The following CWF19L2 variants were observed in gnomAD, a reference collection of about 807,000 sequenced individuals.
The protein encoded by CWF19L2 is CWF19 like cell cycle control factor 2.
CWF19L2 carries 98 observed loss-of-function variants against 111.7 expected under a neutral mutation model. The observed-to-expected ratio is 0.88, with a 90% CI of 0.75 to 1.04. The LOEUF (loss-of-function observed/expected upper bound fraction) is 1.04, where lower values mean the gene tolerates loss of function less well. Among genes scored for constraint, CWF19L2 ranks in the 50% least tolerant of loss-of-function variants. CWF19L2 has a pLI of 0.00. For missense variants in CWF19L2, 1,101 were observed against 1,051.4 expected (o/e 1.05, Z -0.65); for synonymous variants, 351 against 342.9 (o/e 1.02, Z -0.26).
Position 107,348,920 on chromosome 11 carries a change from A to G in CWF19L2, c.2202+17T>C. The G allele has an allele frequency of 7.0e-7, 1 of 1,423,292 alleles. No individual in the cohort carries two copies. Among genetic ancestry groups the G allele is most frequent in the South Asian group, 1.2e-5 (1 of 81,570 alleles). 88.2% of individuals were successfully genotyped at this position (1,423,292 alleles called of 1,614,324 possible). On this transcript the variant is annotated intron_variant, in intron 14 of 17. Coordinates refer to ENST00000282251, the MANE Select transcript of CWF19L2 (RefSeq NM_152434.3). ...CTCATGAGTTTTAAAATGATAATGA[A>G]CATTTATTATGCTGACCTGGATCTC...
intron 10 of CWF19L2, among the ~76,000 whole-genome samples, chr11:107,402,892 TATATATATATAATGGA>T (rs199839583): frequency 0.018 from 1,769 of 96,820 alleles, 83 homozygotes; most frequent in African/African-American, 0.064. Context: ...TATATATATA[TATATATATATAATGGA>T]ATACTATGCA....
At chr11:107,393,361 C>A (rs1197593584) in intron 10 of CWF19L2, among the ~76,000 whole-genome samples, 2 of 152,130 alleles carry the variant, frequency 1.3e-5, no homozygotes, top group Admixed American at 1.3e-4. Flanking sequence ...AAATGCTTTT[C>A]AGTTTTCTGA....
chr11:107,438,457 T>A (rs1371661832), intron 6 of CWF19L2, among the ~76,000 whole-genome samples: 1 of 152,218 alleles, frequency 6.6e-6, no homozygotes. Context: ...TTTTTATACA[T>A]TATTTTCATG....
At chr11:107,336,751 A>C in intron 14 of CWF19L2, 38 bp from the exon 15 acceptor site, 1 of 1,126,230 alleles carries the variant, frequency 8.9e-7, no homozygotes, top group Non-Finnish European at 1.2e-6. Context: ...AAAACACTTA[A>C]AGGAGATTCA....
intron 3 of CWF19L2, among the ~76,000 whole-genome samples, chr11:107,443,396 T>C (rs1038120264): frequency 1.3e-5 from 2 of 151,860 alleles, no homozygotes; most frequent in Non-Finnish European, 2.9e-5. Flanking sequence ...GGCAGGAGAA[T>C]CGCTTGTACC....
intron 12 of CWF19L2, among the ~76,000 whole-genome samples, chr11:107,380,012 C>T (rs1342751421): frequency 7.4e-6 from 1 of 135,400 alleles, no homozygotes; most frequent in East Asian, 2.2e-4. Flanking sequence ...GTACCACTGC[C>T]CTCCAACCTG....
At chr11:107,348,863 T>C (rs1860117590) in intron 14 of CWF19L2, 74 bp downstream of exon 14, 1 of 762,892 alleles carries the variant, frequency 1.3e-6, no homozygotes, top group Non-Finnish European at 2.2e-6. Context: ...GTTATACCTA[T>C]TGGAATTTAT....
At chr11:107,397,051 C>T (rs954820205) in intron 10 of CWF19L2, among the ~76,000 whole-genome samples, 1 of 152,132 alleles carries the variant, frequency 6.6e-6, no homozygotes, top group Non-Finnish European at 1.5e-5. Flanking sequence ...TCCTGCCTGG[C>T]ACCACAGGGA....
intron 17 of CWF19L2, among the ~76,000 whole-genome samples, chr11:107,329,461 A>G (rs1393508451): frequency 6.6e-6 from 1 of 152,162 alleles, no homozygotes; most frequent in Non-Finnish European, 1.5e-5. Flanking sequence ...TCCTAGTTCT[A>G]CCACTTATTA....
chr11:107,372,091 C>A (rs1470446979), intron 12 of CWF19L2, among the ~76,000 whole-genome samples: 1 of 134,426 alleles, frequency 7.4e-6, no homozygotes, highest in Non-Finnish European at 1.6e-5. Context: ...TATGAGACTC[C>A]AGAAAACAAA....
rs1339873175 is a variant in CWF19L2, at chr11:107,353,597, T to G, written c.2012A>C (p.Gln671Pro). The change falls in exon 13 of 18, where the codon CAA becomes CCA. Residue 671 changes from glutamine (Q) to proline (P), a missense_variant. Transcript: ENST00000282251. ...AIAEHRSLAA[Q>P]MEKCLYCFDS... is the part of the protein sequence containing the mutation. The stretch of plus-strand genomic sequence containing the variant: ...AAAACAATACAGACATTTTTCCATT[T>G]GTGCAGCAAGACTCCGATGCTCAGC... The G allele has an allele frequency of 2.5e-6, 4 of 1,613,866 alleles. No homozygotes were observed. The highest frequency in any genetic ancestry group is 3.4e-6 in the Non-Finnish European group (4 of 1,179,794).
chr11:107,425,467 C>T (rs1861362794), intron 8 of CWF19L2, among the ~76,000 whole-genome samples: 1 of 151,902 alleles, frequency 6.6e-6, no homozygotes, highest in Non-Finnish European at 1.5e-5. Context: ...TTCTACTTTG[C>T]AGCCTAGAGG....
chr11:107,390,115 C>T lies in CWF19L2; in HGVS notation c.1831G>A (p.Ala611Thr). The change falls in exon 12 of 18, where the codon GCA (alanine) becomes ACA (threonine). Residue 611 changes from alanine to threonine, a missense_variant. Ala to Thr is a moderately conservative substitution (Grantham distance 58). Transcript: ENST00000282251. ...ATAAAGAGCTTGTTTTGATTTTCTG[C>T]TGTTCCCATCTTTTCATTTTTGACT... ...DLVKNEKMGT[A>T]ENQNKLFMRM... 6.2e-7 allele frequency: 1 copy of T among 1,612,742 alleles called. No homozygotes were observed. Among genetic ancestry groups the T allele is most frequent in the Non-Finnish European group, 8.5e-7 (1 of 1,179,334 alleles).
chr11:107,414,820 T>C (rs764155620), intron 10 of CWF19L2, among the ~76,000 whole-genome samples: 1 of 152,100 alleles, frequency 6.6e-6, no homozygotes, highest in Non-Finnish European at 1.5e-5. Context: ...AATATATACA[T>C]AAAGTATTTA....
chr11:107,398,611 G>T (rs1360112478), intron 10 of CWF19L2, among the ~76,000 whole-genome samples: 3 of 152,170 alleles, frequency 2.0e-5, no homozygotes, highest in African/African-American at 4.8e-5. Flanking sequence ...AAACATATTT[G>T]GTGGAATAAT....
intron 10 of CWF19L2, among the ~76,000 whole-genome samples, chr11:107,407,201 T>G (rs1861091440): frequency 6.6e-6 from 1 of 152,150 alleles, no homozygotes; most frequent in Non-Finnish European, 1.5e-5. Flanking sequence ...AACTGTATTT[T>G]CAGTTTTTAT....
chr11:107,442,817 A>C, intron 4 of CWF19L2, 122 bp downstream of exon 4: 1 of 384,790 alleles, frequency 2.6e-6, no homozygotes, highest in Non-Finnish European at 4.5e-6. Flanking sequence ...GGAGGGAGGG[A>C]GGGGGAGGGA....
At chr11:107,442,495 C>A (rs1861631841) in intron 4 of CWF19L2, among the ~76,000 whole-genome samples, 1 of 150,226 alleles carries the variant, frequency 6.7e-6, no homozygotes, top group Admixed American at 6.7e-5. Flanking sequence ...CCAGTCTAGG[C>A]AACATAGGGA....
Position 107,330,012 on chromosome 11 carries a change from C to G in CWF19L2, c.2447G>C (p.Arg816Thr). The G allele has an allele frequency of 6.4e-7, 1 of 1,560,546 alleles. No homozygotes were observed. The highest frequency in any genetic ancestry group is 8.7e-7 in the Non-Finnish European group (1 of 1,152,922). ...ATCCACAGAGAAGTAAGGTAACCCT[C>G]TGGGTACCTAAATAAACAGACAAAT... The part of the protein sequence containing the change: ...SSKDIRKSVP[R>T]GLPYFSVDFG... The change falls in exon 17 of 18, where the codon AGA becomes ACA. Residue 816 changes from arginine (R) to threonine (T), a missense_variant. Transcript: ENST00000282251.
Sources: allele counts gnomAD v4.1 joint callset (sites outside exome capture counted in the v4.1 genomes callset), GRCh38; gene constraint gnomAD v4.1.1; transcripts MANE v1.5; gene names NCBI Gene and HGNC (gene_info 2026-07-23, HGNC 2026-07-21).